ZCCHC7: variants seen among roughly 807,000 people sequenced by gnomAD.
ZCCHC7 encodes zinc finger CCHC-type containing 7, also known as zinc finger CCHC domain-containing protein 7.
ZCCHC7 carries 35 observed loss-of-function variants against 52.0 expected under a neutral mutation model. The observed-to-expected ratio is 0.67, with a 90% CI of 0.51 to 0.89. The LOEUF (loss-of-function observed/expected upper bound fraction) is 0.89. Among genes scored for constraint, ZCCHC7 ranks in the 40% least tolerant of loss-of-function variants. The pLI is 0.00. For missense variants in ZCCHC7, 574 were observed against 649.1 expected (o/e 0.88, Z 1.26); for synonymous variants, 217 against 221.5 (o/e 0.98, Z 0.18).
At chr9:37,223,912 TA>T (rs1182839075) in intron 2 of ZCCHC7, among the ~76,000 whole-genome samples, 1 of 152,128 alleles carries the variant, frequency 6.6e-6, no homozygotes, top group Non-Finnish European at 1.5e-5. Context: ...ATTTTTCATT[TA>T]AAAAAATTTA....
At chr9:37,155,846 T>C (rs567205743) in intron 2 of ZCCHC7, among the ~76,000 whole-genome samples, 17 of 152,382 alleles carry the variant, frequency 1.1e-4, no homozygotes, top group Admixed American at 1.1e-3. Flanking sequence ...CTCTCTGTTG[T>C]GCATTGTAGA....
At chr9:37,275,618 A>G (rs558173598) in intron 2 of ZCCHC7, among the ~76,000 whole-genome samples, 2 of 152,206 alleles carry the variant, frequency 1.3e-5, no homozygotes, top group African/African-American at 2.4e-5. Flanking sequence ...CCACTTTAAC[A>G]TGGAATGGCA....
chr9:37,206,434 C>T (rs1406440664), intron 2 of ZCCHC7, among the ~76,000 whole-genome samples: 1 of 151,934 alleles, frequency 6.6e-6, no homozygotes, highest in Non-Finnish European at 1.5e-5. Context: ...CTTGGCTCAG[C>T]GCAACCTGCT....
intron 2 of ZCCHC7, among the ~76,000 whole-genome samples, chr9:37,220,991 A>G (rs2133260363): frequency 6.6e-6 from 1 of 152,320 alleles, no homozygotes; most frequent in Non-Finnish European, 1.5e-5. Context: ...TTGTCTCTTC[A>G]AGCAGAATGT....
At chr9:37,146,149 A>G (rs890171297) in intron 2 of ZCCHC7, among the ~76,000 whole-genome samples, 1 of 151,800 alleles carries the variant, frequency 6.6e-6, no homozygotes, top group Admixed American at 6.6e-5. Flanking sequence ...CCTTATTTAG[A>G]TTATATCATT....
At chr9:37,356,388 C>T (rs1263283112) in intron 8 of ZCCHC7, among the ~76,000 whole-genome samples, 1 of 152,252 alleles carries the variant, frequency 6.6e-6, no homozygotes, top group East Asian at 1.9e-4. Flanking sequence ...GGCAGTTTGG[C>T]ATCCACCTAA....
At chr9:37,252,935 AC>A (rs922668606) in intron 2 of ZCCHC7, among the ~76,000 whole-genome samples, 7 of 152,102 alleles carry the variant, frequency 4.6e-5, no homozygotes, top group Non-Finnish European at 5.9e-5. Context: ...AATAGTTCTG[AC>A]TCTAAATTAA....
chr9:37,138,100 TC>T (rs1387990526), intron 2 of ZCCHC7, among the ~76,000 whole-genome samples: 1 of 152,210 alleles, frequency 6.6e-6, no homozygotes, highest in Non-Finnish European at 1.5e-5. Context: ...TTGAACTGTG[TC>T]TTTAGTTGTA....
intron 2 of ZCCHC7, among the ~76,000 whole-genome samples, chr9:37,130,332 TCC>T (rs1842722222): frequency 8.0e-6 from 1 of 124,668 alleles, no homozygotes. Context: ...CGGAATTCTC[TCC>T]TTTTTTTTTT....
chr9:37,333,773 T>C (rs1340249519), intron 6 of ZCCHC7: 1 of 151,846 alleles, frequency 6.6e-6, no homozygotes, highest in Admixed American at 6.6e-5. Context: ...TTTTAACATA[T>C]ATAACACACT....
chr9:37,354,562 A>G lies in ZCCHC7; in HGVS notation c.1084-148A>G. Reference sequence around the variant, plus strand: ...GGTTTAGGGCTGGGTGACCCTCCCAACACCCCAGCAAGGACCATATCCTAC... The same window carrying G: ...GGTTTAGGGCTGGGTGACCCTCCCAGCACCCCAGCAAGGACCATATCCTAC... On this transcript the variant is annotated intron_variant, in intron 7 of 8. Coordinates refer to ENST00000336755, the MANE Select transcript of ZCCHC7 (RefSeq NM_032226.3). This position sits in a 1 kb window ranked among gnomAD's most constrained non-coding sequence, Gnocchi z 4.0. 1 of 558,184 alleles carries G rather than the reference A, an allele frequency of 1.8e-6. No homozygotes were observed. Among genetic ancestry groups the G allele is most frequent in the Non-Finnish European group, 3.2e-6 (1 of 316,612 alleles). 34.6% of individuals were successfully genotyped at this position (558,184 alleles called of 1,614,324 possible). A position where few individuals can be genotyped will look rare whatever the true frequency, so the allele number is the denominator to read the frequency against.
intron 2 of ZCCHC7, among the ~76,000 whole-genome samples, chr9:37,271,296 G>A (rs1026457185): frequency 2.0e-4 from 30 of 152,128 alleles, no homozygotes; most frequent in African/African-American, 7.2e-4. Flanking sequence ...AATCCAGAAT[G>A]TGTTAAACTC....
At chr9:37,342,045 T>C (rs985356329) in intron 6 of ZCCHC7, among the ~76,000 whole-genome samples, 3 of 152,086 alleles carry the variant, frequency 2.0e-5, no homozygotes, top group African/African-American at 4.8e-5. Flanking sequence ...ATAAGGATCA[T>C]CTTTGGTTTA....
chr9:37,317,663 TAAG>T (rs1479558744), intron 5 of ZCCHC7, among the ~76,000 whole-genome samples: 2 of 151,852 alleles, frequency 1.3e-5, no homozygotes, highest in Admixed American at 6.6e-5. Context: ...AGAAGAAAAG[TAAG>T]ACAAAGGAAA....
At chr9:37,184,342 T>A (rs986896487) in intron 2 of ZCCHC7, among the ~76,000 whole-genome samples, 6 of 151,798 alleles carry the variant, frequency 4.0e-5, no homozygotes, top group Admixed American at 3.9e-4. Context: ...TTCCCTGTTT[T>A]ACTTAACTCC....
At chr9:37,252,814 T>G (rs951079832) in intron 2 of ZCCHC7, among the ~76,000 whole-genome samples, 3 of 152,158 alleles carry the variant, frequency 2.0e-5, no homozygotes, top group Non-Finnish European at 2.9e-5. Flanking sequence ...AACATTGGTA[T>G]TTGAGAGCTA....
chr9:37,216,472 C>G (rs1219874299), intron 2 of ZCCHC7, among the ~76,000 whole-genome samples: 1 of 151,998 alleles, frequency 6.6e-6, no homozygotes, highest in African/African-American at 2.4e-5. Flanking sequence ...GTCAGGTGAT[C>G]GAGACCAGCC....
intron 2 of ZCCHC7, among the ~76,000 whole-genome samples, chr9:37,135,479 G>A (rs1374423606): frequency 6.6e-6 from 1 of 152,166 alleles, no homozygotes; most frequent in Non-Finnish European, 1.5e-5. Context: ...TTTAAGAGTT[G>A]AAGAAACCAT....
At chr9:37,204,245 A>G (rs930855556) in intron 2 of ZCCHC7, among the ~76,000 whole-genome samples, 2 of 152,080 alleles carry the variant, frequency 1.3e-5, no homozygotes, top group African/African-American at 4.8e-5. Flanking sequence ...ATTTTCTCCC[A>G]TTCTGTAGGT....
Sources: allele counts gnomAD v4.1 joint callset (sites outside exome capture counted in the v4.1 genomes callset), GRCh38; gene constraint gnomAD v4.1.1; non-coding constraint Gnocchi (gnomAD v3.1); transcripts MANE v1.5; gene names NCBI Gene and HGNC (gene_info 2026-07-23, HGNC 2026-07-21).